ATP2C1: variants seen among roughly 807,000 people sequenced by gnomAD.
The protein encoded by ATP2C1 is ATPase secretory pathway Ca2+ transporting 1, also known as calcium-transporting ATPase type 2C member 1.
In ATP2C1, 31 loss-of-function variants were observed where a neutral mutation model predicts 120.5. That is an observed-to-expected ratio of 0.26 (90% CI 0.19 to 0.35). ATP2C1 has a LOEUF of 0.35. ATP2C1 is among the 10% of genes least tolerant of loss of function. The pLI, the probability that ATP2C1 is intolerant of heterozygous loss-of-function variation, is 1.00. For missense variants in ATP2C1, 731 were observed against 1,107.5 expected (o/e 0.66, Z 4.83); for synonymous variants, 351 against 358.7 (o/e 0.98, Z 0.24).
At position 131,003,113 on chromosome 3, in the gene ATP2C1, C is replaced by T. The variant is rs2062969398; in HGVS notation, c.*1763C>T. 1.0e-6 allele frequency: 1 copy of T among 982,294 alleles called. No homozygotes were observed. The highest frequency in any genetic ancestry group is 4.7e-5 in the South Asian group (1 of 21,230). The allele number at this position is 982,294 out of a possible 1,614,324, so 60.8% of individuals were successfully genotyped here. On this transcript the variant is annotated 3_prime_UTR_variant, in exon 28 of 28. Coordinates refer to ENST00000510168, the MANE Select transcript of ATP2C1 (RefSeq NM_001378687.1). ...ATAAATGTGCCTATACATTCATTTG[C>T]TTTGTACTATAAAAATAAAAATGAT...
intron 1 of ATP2C1, among the ~76,000 whole-genome samples, chr3:130,884,473 A>C (rs1384031097): frequency 6.6e-6 from 1 of 152,250 alleles, no homozygotes; most frequent in Non-Finnish European, 1.5e-5. Context: ...AAGAATGTGT[A>C]ATCTGCAGCC....
At chr3:130,859,602 T>C (rs2067952279) in intron 1 of ATP2C1, among the ~76,000 whole-genome samples, 1 of 152,244 alleles carries the variant, frequency 6.6e-6, no homozygotes, top group Non-Finnish European at 1.5e-5. Context: ...CAGTCAGTGC[T>C]GGCAACTTGC....
rs775736262 is a variant in ATP2C1 at position 130,975,538 on chromosome 3, T to C, written c.1570+50T>C. The C allele has an allele frequency of 2.5e-6, 4 of 1,579,094 alleles. No individual in the cohort carries two copies. The South Asian group carries it at 4.5e-5, about 18-fold the overall frequency. ...CTGGGGTGGAAAGGTAGAGCCTTCT[T>C]TTAATTGCAGATGAATTCATGCTTC... On this transcript the variant is annotated intron_variant, in intron 18 of 27. Coordinates refer to ENST00000510168, the MANE Select transcript of ATP2C1 (RefSeq NM_001378687.1).
chr3:131,015,959 T>C, intron 26 of ATP2C1: 2 of 774,300 alleles, frequency 2.6e-6, no homozygotes, highest in Non-Finnish European at 2.2e-6. Flanking sequence ...ATGGAAATAA[T>C]TTAATATTTT....
intron 1 of ATP2C1, among the ~76,000 whole-genome samples, chr3:130,874,136 G>GAAA (rs1385038514): frequency 2.0e-5 from 3 of 150,198 alleles, no homozygotes; most frequent in Non-Finnish European, 3.0e-5. Flanking sequence ...AAAAGAAAAA[G>GAAA]AAAAGATAAG....
chr3:130,941,223 AGTGTGTGTGT>A (rs71774561), intron 7 of ATP2C1, among the ~76,000 whole-genome samples: 8,065 of 144,114 alleles, frequency 0.056, 284 homozygotes, highest in East Asian at 0.14. Flanking sequence ...TGTATTTAAC[AGTGTGTGTGT>A]GTGTGTGTGT....
chr3:130,859,700 C>G (rs907101579), intron 1 of ATP2C1, among the ~76,000 whole-genome samples: 1 of 152,134 alleles, frequency 6.6e-6, no homozygotes, highest in Non-Finnish European at 1.5e-5. Context: ...TAAGAGACAC[C>G]TGGACCCTGG....
At chr3:130,945,258 C>T (rs1219293605) in intron 8 of ATP2C1, among the ~76,000 whole-genome samples, 2 of 152,136 alleles carry the variant, frequency 1.3e-5, no homozygotes, top group African/African-American at 4.8e-5. Flanking sequence ...TGGCCAATTA[C>T]TTGATGATAA....
chr3:130,937,370 A>G (rs1443896583), intron 5 of ATP2C1, 58 bp from the exon 6 acceptor site: 2 of 1,404,786 alleles, frequency 1.4e-6, no homozygotes, highest in Admixed American at 1.7e-5. Flanking sequence ...AATAAAATAC[A>G]GTTAACAGTT....
At chr3:130,929,538 A>G (rs1433410665) in intron 2 of ATP2C1, among the ~76,000 whole-genome samples, 2 of 152,180 alleles carry the variant, frequency 1.3e-5, no homozygotes, top group Non-Finnish European at 2.9e-5. Context: ...GTAAGATGAT[A>G]ATTTTAGTTT....
rs2061247848 is a variant in ATP2C1, at chr3:130,970,387, C to CACAG, written c.1413+994_1413+995insGACA. ...AAAAAATTACACACACACACACACACACACACACACACACACACACCCTTA... is the reference window on the plus strand; with the variant it reads ...AAAAAATTACACACACACACACACACACAGACACACACACACACACACACCCTTA... On this transcript the variant is annotated intron_variant, in intron 17 of 27. Coordinates refer to ENST00000510168, the MANE Select transcript of ATP2C1 (RefSeq NM_001378687.1). Among the ~76,000 whole-genome samples, 7 of 151,114 alleles carry CACAG rather than the reference C, an allele frequency of 4.6e-5. No homozygotes were observed. The South Asian group carries it at 1.5e-3, about 32-fold the overall frequency.
chr3:130,968,287 T>C (rs564155870), intron 16 of ATP2C1, among the ~76,000 whole-genome samples: 2 of 152,314 alleles, frequency 1.3e-5, no homozygotes, highest in South Asian at 2.1e-4. Flanking sequence ...TATAAAGATA[T>C]TAGTTTCTTT....
intron 1 of ATP2C1, among the ~76,000 whole-genome samples, chr3:130,859,226 T>C (rs940884480): frequency 5.3e-5 from 8 of 152,352 alleles, no homozygotes; most frequent in African/African-American, 1.9e-4. Flanking sequence ...TACTCCATAG[T>C]CTTAGCATGT....
At chr3:130,899,709 A>C (rs759271027) in intron 2 of ATP2C1, 2 of 152,178 alleles carry the variant, frequency 1.3e-5, no homozygotes, top group Non-Finnish European at 2.9e-5. Flanking sequence ...GTTTAGACTA[A>C]ACCTGTGATG....
chr3:130,976,948 G>A (rs1044713636), intron 18 of ATP2C1, among the ~76,000 whole-genome samples: 2 of 152,174 alleles, frequency 1.3e-5, no homozygotes, highest in Non-Finnish European at 2.9e-5. Flanking sequence ...CTGAACAGTT[G>A]GCAGACCAAA....
rs2059475330 is a variant in ATP2C1, at chr3:130,932,107, A to G, written c.203A>G (p.Asp68Gly). ...TGGAATGAGTTTGATATTAGTGAAGATGAGCCACTGTGGAAGAAGTATATT... is the reference window on the plus strand; with the variant it reads ...TGGAATGAGTTTGATATTAGTGAAGGTGAGCCACTGTGGAAGAAGTATATT... ...HGWNEFDISE[D>G]EPLWKKYISQ... The change falls in exon 4 of 28, where the codon GAT (aspartate) becomes GGT (glycine). Residue 68 changes from aspartate (D) to glycine (G), a missense_variant. Physicochemically the swap from Asp to Gly is moderately conservative, Grantham distance 94. Coordinates refer to ENST00000510168, the MANE Select transcript of ATP2C1 (RefSeq NM_001378687.1). 1 of 1,610,392 alleles carries G rather than the reference A, an allele frequency of 6.2e-7. No homozygotes were observed. Among genetic ancestry groups the G allele is most frequent in the South Asian group, 1.1e-5 (1 of 91,004 alleles).
In ATP2C1 at chr3:130,959,302, T is replaced by C; in HGVS notation, c.860T>C (p.Leu287Pro). The change falls in exon 12 of 28, where the codon CTG (leucine) becomes CCG (proline). Residue 287 changes from leucine to proline, a missense_variant. Transcript: ENST00000510168. ...ATCATCATGTTGGTTGGCTGGTTAC[T>C]GGGAAAAGATATCCTGGAAATGTTT... ...IGIIMLVGWL[L>P]GKDILEMFTI... 1 of 1,609,358 alleles carries C rather than the reference T, an allele frequency of 6.2e-7. No homozygotes were observed. The highest frequency in any genetic ancestry group is 2.2e-5 in the East Asian group (1 of 44,710).
chr3:130,907,553 C>A (rs1263463170), intron 2 of ATP2C1, among the ~76,000 whole-genome samples: 1 of 152,008 alleles, frequency 6.6e-6, no homozygotes, highest in East Asian at 1.9e-4. Context: ...TGTCTTGGCA[C>A]CCTTGTCAAA....
At chr3:130,898,048 C>G (rs1391115639) in intron 2 of ATP2C1, among the ~76,000 whole-genome samples, 1 of 152,164 alleles carries the variant, frequency 6.6e-6, no homozygotes, top group Non-Finnish European at 1.5e-5. Flanking sequence ...GCTGGAGAAG[C>G]TTGCACATAG....
Sources: allele counts gnomAD v4.1 joint callset (sites outside exome capture counted in the v4.1 genomes callset), GRCh38; gene constraint gnomAD v4.1.1; transcripts MANE v1.5; gene names NCBI Gene and HGNC (gene_info 2026-07-23, HGNC 2026-07-21).